XYLT1: variants seen among roughly 807,000 people sequenced by gnomAD.
XYLT1 encodes the protein beta-D-xylosyltransferase 1.
In XYLT1, 36 loss-of-function variants were observed where a neutral mutation model predicts 91.3. The ratio of observed to expected loss-of-function variants is 0.39; its 90% CI spans 0.30 to 0.52. The LOEUF (loss-of-function observed/expected upper bound fraction) is 0.52, where lower values mean the gene tolerates loss of function less well. XYLT1 is among the 20% of genes least tolerant of loss of function. The pLI is 0.68. For missense variants in XYLT1, 1,242 were observed against 1,284.5 expected (o/e 0.97, Z 0.51); for synonymous variants, 588 against 532.0 (o/e 1.11, Z -1.45).
At position 17,117,804 on chromosome 16, in the gene XYLT1, T is replaced by C. The variant is rs762255466; in HGVS notation, c.2399A>G (p.Glu800Gly). The C allele has an allele frequency of 3.1e-6, 5 of 1,614,174 alleles. No individual in the cohort carries two copies. The Admixed American group carries it at 8.3e-5, about 27-fold the overall frequency. Residue 800 changes from glutamate to glycine, a missense_variant, in exon 11 of 12, where the codon GAG (glutamate) becomes GGG (glycine). Transcript: ENST00000261381. ...GTAGTGTGTGAATTCGGCAGTGGAC[T>C]CAATGAGGATGTCGTAGGTGGCTGC... ...VIAATYDILIESTAEFTHYKP... is the reference protein window; with the variant it reads ...VIAATYDILIGSTAEFTHYKP...
At chr16:17,196,471 G>T (rs1479599088) in intron 5 of XYLT1, among the ~76,000 whole-genome samples, 1 of 152,210 alleles carries the variant, frequency 6.6e-6, no homozygotes, top group Non-Finnish European at 1.5e-5. Context: ...ATAACCCACT[G>T]TTGGGGGAAG....
At chr16:17,441,362 G>A (rs1279803677) in intron 1 of XYLT1, among the ~76,000 whole-genome samples, 1 of 152,032 alleles carries the variant, frequency 6.6e-6, no homozygotes, top group Non-Finnish European at 1.5e-5. Context: ...AACTGAATTA[G>A]TTGTTAATAT....
chr16:17,181,934 T>C (rs2032079745), intron 5 of XYLT1, among the ~76,000 whole-genome samples: 1 of 152,088 alleles, frequency 6.6e-6, no homozygotes, highest in Admixed American at 6.5e-5. Flanking sequence ...AGCATCCTGG[T>C]CCCAATGTTT....
At position 17,138,394 on chromosome 16, in the gene XYLT1, G is replaced by A; in HGVS notation, c.1725C>T (p.Ser575=). 1 of 1,614,054 alleles carries A rather than the reference G, an allele frequency of 6.2e-7. No individual in the cohort carries two copies. The highest frequency in any genetic ancestry group is 1.1e-5 in the South Asian group (1 of 91,058). ...AGTCCTGCGGCTTGAAGTCATTGGG[G>A]GAGCAGCCGCACCAGTCCACGATGT... is the stretch of plus-strand genomic sequence containing the variant. The part of the protein sequence containing the change: ...YKHIVDWCGC[S]PNDFKPQDFH... The change falls in exon 8 of 12, where the codon TCC becomes TCT. Residue 575 remains serine (S), a synonymous_variant. Coordinates refer to ENST00000261381, the MANE Select transcript of XYLT1 (RefSeq NM_022166.4).
At chr16:17,345,602 G>A (rs1487509906) in intron 2 of XYLT1, among the ~76,000 whole-genome samples, 2 of 152,240 alleles carry the variant, frequency 1.3e-5, no homozygotes, top group Admixed American at 6.5e-5. Context: ...GCTTTAACTA[G>A]TTGGGAAGCT....
chr16:17,143,901 T>G (rs112398607), intron 6 of XYLT1, among the ~76,000 whole-genome samples: 48 of 149,632 alleles, frequency 3.2e-4, no homozygotes, highest in African/African-American at 1.1e-3. Flanking sequence ...ATCGTCATCA[T>G]CACCATCATC....
chr16:17,172,584 G>C (rs1270361474), intron 5 of XYLT1, among the ~76,000 whole-genome samples: 1 of 146,630 alleles, frequency 6.8e-6, no homozygotes, highest in Admixed American at 7.3e-5. Context: ...CGATTATCCT[G>C]CCTCAGCCTC....
chr16:17,443,035 G>C (rs2036550704), intron 1 of XYLT1, among the ~76,000 whole-genome samples: 1 of 152,120 alleles, frequency 6.6e-6, no homozygotes, highest in Non-Finnish European at 1.5e-5. Flanking sequence ...GGACGCATTG[G>C]AGCAGACCGC....
At chr16:17,298,323 T>C (rs995397739) in intron 2 of XYLT1, among the ~76,000 whole-genome samples, 1 of 152,182 alleles carries the variant, frequency 6.6e-6, no homozygotes, top group South Asian at 2.1e-4. Flanking sequence ...TAACGTTCCC[T>C]GCACAGCCAC....
chr16:17,267,599 CG>C (rs2033825849), intron 2 of XYLT1, among the ~76,000 whole-genome samples: 1 of 152,128 alleles, frequency 6.6e-6, no homozygotes, highest in Non-Finnish European at 1.5e-5. Context: ...TTAGTAGAGA[CG>C]GGGTTTCACC....
intron 7 of XYLT1, 193 bp from the exon 8 acceptor site, chr16:17,138,724 T>TATAAATTA (rs2030865003): frequency 1.8e-6 from 1 of 565,520 alleles, no homozygotes; most frequent in Admixed American, 3.1e-5. Context: ...CTCTTTTCTT[T>TATAAATTA]ATAAATTACC....
chr16:17,208,217 C>T (rs532431569), intron 3 of XYLT1, among the ~76,000 whole-genome samples: 2 of 55,850 alleles, frequency 3.6e-5, no homozygotes, highest in South Asian at 2.6e-3. Context: ...AACTCCTGGG[C>T]TCAAGCAATC....
chr16:17,152,319 A>T (rs2031301412), intron 6 of XYLT1, among the ~76,000 whole-genome samples: 1 of 152,264 alleles, frequency 6.6e-6, no homozygotes, highest in Non-Finnish European at 1.5e-5. Flanking sequence ...GTGCCTACAT[A>T]ATGCCAGACT....
At chr16:17,401,333 C>T (rs1012430631) in intron 1 of XYLT1, among the ~76,000 whole-genome samples, 11 of 152,238 alleles carry the variant, frequency 7.2e-5, no homozygotes, top group African/African-American at 9.6e-5. Context: ...AAAAGCCAGA[C>T]GGACTTCCTG....
intron 11 of XYLT1, among the ~76,000 whole-genome samples, chr16:17,110,059 T>C (rs1966832269): frequency 6.6e-6 from 1 of 152,200 alleles, no homozygotes; most frequent in South Asian, 2.1e-4. Flanking sequence ...GCCCAGGTAC[T>C]GCAGTCATGC....
chr16:17,381,171 G>C (rs988908190), intron 1 of XYLT1, among the ~76,000 whole-genome samples: 3 of 152,132 alleles, frequency 2.0e-5, no homozygotes, highest in Admixed American at 6.6e-5. Flanking sequence ...CCTGTGGATG[G>C]GGTTTGGGGA....
rs74010559 is a variant in XYLT1 at position 17,245,423 on chromosome 16, G to A, written c.913+13565C>T. On this transcript the variant is annotated intron_variant, in intron 3 of 11. Transcript: ENST00000261381. ...TAATTTGCGCTTTGTGGCTCAGCTCGATTCTGATTTAGGGCAACATAAACC... is the reference window on the plus strand; with the variant it reads ...TAATTTGCGCTTTGTGGCTCAGCTCAATTCTGATTTAGGGCAACATAAACC... Among the ~76,000 whole-genome samples the A allele has an allele frequency of 5.0e-3, 765 of 152,246 alleles. 7 individuals are homozygous for A. Among genetic ancestry groups the A allele is most frequent in the African/African-American group, 0.017 (724 of 41,520 alleles).
At chr16:17,257,191 A>T (rs2033646580) in intron 3 of XYLT1, among the ~76,000 whole-genome samples, 1 of 152,196 alleles carries the variant, frequency 6.6e-6, no homozygotes, top group Admixed American at 6.5e-5. Flanking sequence ...CCCAATGAGA[A>T]GGAGGGATGG....
chr16:17,143,302 A>C (rs888144167), intron 6 of XYLT1, among the ~76,000 whole-genome samples: 10 of 152,114 alleles, frequency 6.6e-5, no homozygotes, highest in Non-Finnish European at 1.5e-4. Context: ...CATTATCAGC[A>C]CCACTATCAC....
Sources: allele counts gnomAD v4.1 joint callset (sites outside exome capture counted in the v4.1 genomes callset), GRCh38; gene constraint gnomAD v4.1.1; transcripts MANE v1.5; gene names NCBI Gene and HGNC (gene_info 2026-07-23, HGNC 2026-07-21).